The following MAP4K4 variants were observed in gnomAD, a reference collection of about 807,000 sequenced individuals.
MAP4K4 encodes the protein mitogen-activated protein kinase kinase kinase kinase 4.
A neutral mutation model predicts 189.6 loss-of-function variants in MAP4K4; 38 were observed. That is an observed-to-expected ratio of 0.20 (90% confidence interval 0.15 to 0.26). MAP4K4 has a LOEUF of 0.26. Ranked by LOEUF, MAP4K4 falls within the 10% of genes least tolerant of loss-of-function variation. The pLI is 1.00. For synonymous variants in MAP4K4, 610 were observed against 624.3 expected (o/e 0.98, Z 0.34); for missense variants, 1,054 against 1,726.9 (o/e 0.61, Z 6.91).
chr2:101,852,943 C>T (rs2282748), intron 12 of MAP4K4, among the ~76,000 whole-genome samples: 4 of 152,148 alleles, frequency 2.6e-5, no homozygotes, highest in East Asian at 1.9e-4. Context: ...TCACTTCACT[C>T]AGCTCCCAAA....
chr2:101,829,867 G>T, intron 6 of MAP4K4: 1 of 296,932 alleles, frequency 3.4e-6, no homozygotes, highest in Non-Finnish European at 6.4e-6. Context: ...GAACCTTAAT[G>T]GCTTCCTATT....
intron 18 of MAP4K4, among the ~76,000 whole-genome samples, chr2:101,865,911 G>A (rs1241068571): frequency 6.6e-6 from 1 of 152,172 alleles, no homozygotes; most frequent in African/African-American, 2.4e-5. Context: ...TTCTTACCTA[G>A]CACATGTGTG....
intron 2 of MAP4K4, among the ~76,000 whole-genome samples, chr2:101,774,927 C>A (rs1378809412): frequency 1.3e-5 from 2 of 152,010 alleles, no homozygotes; most frequent in African/African-American, 4.8e-5. Flanking sequence ...CTGGAGTTCA[C>A]TCTCAGGTAG....
At chr2:101,706,918 G>A (rs531341160) in intron 2 of MAP4K4, among the ~76,000 whole-genome samples, 2 of 152,254 alleles carry the variant, frequency 1.3e-5, no homozygotes, top group Admixed American at 6.5e-5. Flanking sequence ...AACTGCTTTC[G>A]ATTTCTTTAG....
intron 2 of MAP4K4, 42 bp downstream of exon 2, chr2:101,698,580 ACTT>A (rs752349721): frequency 3.3e-5 from 53 of 1,583,496 alleles, no homozygotes; most frequent in Non-Finnish European, 4.5e-5. Flanking sequence ...GCATGTGGAA[ACTT>A]CTTATTGGGG....
chr2:101,867,506 CAAGT>C, intron 20 of MAP4K4, 197 bp downstream of exon 20: 1 of 544,126 alleles, frequency 1.8e-6, no homozygotes. Flanking sequence ...TATAAAGTCT[CAAGT>C]GAGTAAAACC....
intron 2 of MAP4K4, among the ~76,000 whole-genome samples, chr2:101,702,116 C>T (rs1559000315): frequency 6.6e-6 from 1 of 152,170 alleles, no homozygotes; most frequent in Non-Finnish European, 1.5e-5. Context: ...ACGCCTTGGC[C>T]TCCCAAAATG....
At chr2:101,722,757 A>G (rs1663060021) in intron 2 of MAP4K4, among the ~76,000 whole-genome samples, 1 of 152,242 alleles carries the variant, frequency 6.6e-6, no homozygotes, top group Admixed American at 6.5e-5. Context: ...GAGGCTTCAG[A>G]AGGCTAAGGA....
chr2:101,875,604 C>T (rs931979003), intron 26 of MAP4K4, among the ~76,000 whole-genome samples: 1 of 151,858 alleles, frequency 6.6e-6, no homozygotes, highest in Admixed American at 6.6e-5. Context: ...CCATGATATT[C>T]TTCCGCCTCA....
At chr2:101,711,325 CAGAG>C (rs1361263703) in intron 2 of MAP4K4, among the ~76,000 whole-genome samples, 2 of 151,508 alleles carry the variant, frequency 1.3e-5, no homozygotes, top group African/African-American at 4.9e-5. Flanking sequence ...TTTTTTAAGA[CAGAG>C]CTGCAACCTC....
At chr2:101,828,293 G>C (rs967949221) in intron 5 of MAP4K4, among the ~76,000 whole-genome samples, 27 of 152,204 alleles carry the variant, frequency 1.8e-4, no homozygotes, top group Non-Finnish European at 7.3e-5. Flanking sequence ...TGAAATAATA[G>C]AAATAGGAAT....
At chr2:101,737,939 C>T (rs1192887551) in intron 2 of MAP4K4, among the ~76,000 whole-genome samples, 1 of 152,048 alleles carries the variant, frequency 6.6e-6, no homozygotes, top group Non-Finnish European at 1.5e-5. Context: ...TTTATTGATC[C>T]TCTGTTCTGT....
In MAP4K4 at chr2:101,799,256, G is replaced by C. The variant is rs775786672; in HGVS notation, c.180+8480G>C. On this transcript the variant is annotated intron_variant, in intron 3 of 32. Transcript: ENST00000324219. ...AATAATGCCTACTTCAGAGGCTTTT[G>C]TCAGAATTAAAATTAATGTAAAGTA... Among the ~76,000 whole-genome samples the C allele has an allele frequency of 2.0e-5, 3 of 152,156 alleles. No homozygotes were observed. The South Asian group carries it at 6.2e-4, about 32-fold the overall frequency.
At chr2:101,833,537 G>A (rs1399564416) in intron 7 of MAP4K4, among the ~76,000 whole-genome samples, 1 of 151,514 alleles carries the variant, frequency 6.6e-6, no homozygotes, top group Non-Finnish European at 1.5e-5. Flanking sequence ...GGAGAATGGC[G>A]TGAACCCGGG....
intron 2 of MAP4K4, among the ~76,000 whole-genome samples, chr2:101,707,546 T>C (rs1304565063): frequency 3.3e-5 from 5 of 151,992 alleles, no homozygotes; most frequent in Non-Finnish European, 7.4e-5. Flanking sequence ...AGAGTTTTGC[T>C]CTGTCCCCCA....
chr2:101,775,602 C>T (rs938197568), intron 2 of MAP4K4, among the ~76,000 whole-genome samples: 3 of 152,064 alleles, frequency 2.0e-5, no homozygotes, highest in Non-Finnish European at 4.4e-5. Flanking sequence ...TGGGCTAGTG[C>T]TGGGGGTGAG....
chr2:101,712,370 A>ATT, intron 2 of MAP4K4, among the ~76,000 whole-genome samples: 1 of 150,908 alleles, frequency 6.6e-6, no homozygotes, highest in East Asian at 2.0e-4. Flanking sequence ...AATTTTTTGT[A>ATT]TTTTTAGTAG....
intron 3 of MAP4K4, among the ~76,000 whole-genome samples, chr2:101,807,094 C>A (rs1469167044): frequency 1.3e-5 from 2 of 151,462 alleles, no homozygotes; most frequent in Non-Finnish European, 2.9e-5. Flanking sequence ...CTCTTGTCAC[C>A]CAGGCTAGAG....
At chr2:101,853,019 G>A (rs918089536) in intron 12 of MAP4K4, among the ~76,000 whole-genome samples, 1 of 152,122 alleles carries the variant, frequency 6.6e-6, no homozygotes, top group African/African-American at 2.4e-5. Flanking sequence ...CAACCCCGTA[G>A]GATATTGGAA....
Sources: allele counts gnomAD v4.1 joint callset (sites outside exome capture counted in the v4.1 genomes callset), GRCh38; gene constraint gnomAD v4.1.1; transcripts MANE v1.5; gene names NCBI Gene and HGNC (gene_info 2026-07-23, HGNC 2026-07-21).